AKAP13: variants seen among roughly 807,000 people sequenced by gnomAD.
AKAP13 encodes the protein A-kinase anchor protein 13.
A neutral mutation model predicts 264.5 loss-of-function variants in AKAP13; 80 were observed. The observed-to-expected ratio is 0.30, with a 90% CI of 0.25 to 0.36. The LOEUF (loss-of-function observed/expected upper bound fraction) is 0.36, where lower values mean the gene tolerates loss of function less well. Among genes scored for constraint, AKAP13 ranks in the 10% least tolerant of loss-of-function variants. The pLI is 1.00. For missense variants in AKAP13, 3,712 were observed against 3,435.2 expected (o/e 1.08, Z -2.01); for synonymous variants, 1,380 against 1,250.2 (o/e 1.10, Z -2.19).
At chr15:85,721,109 G>T (rs2087254039) in intron 23 of AKAP13, among the ~76,000 whole-genome samples, 1 of 152,042 alleles carries the variant, frequency 6.6e-6, no homozygotes, top group South Asian at 2.1e-4. Flanking sequence ...ACTTTGACTT[G>T]TATTACCATT....
At chr15:85,665,286 A>G (rs1289865287) in intron 13 of AKAP13, among the ~76,000 whole-genome samples, 3 of 152,216 alleles carry the variant, frequency 2.0e-5, no homozygotes, top group East Asian at 3.8e-4. Flanking sequence ...TAAAATTAGG[A>G]AAGTATCCAG....
intron 29 of AKAP13, among the ~76,000 whole-genome samples, chr15:85,729,149 A>G (rs1201520255): frequency 6.6e-6 from 1 of 151,942 alleles, no homozygotes; most frequent in East Asian, 1.9e-4. Flanking sequence ...AAATACAAAA[A>G]TTAGCTGGGC....
At chr15:85,468,726 C>G (rs1454319486) in intron 1 of AKAP13, among the ~76,000 whole-genome samples, 1 of 151,986 alleles carries the variant, frequency 6.6e-6, no homozygotes, top group Non-Finnish European at 1.5e-5. Flanking sequence ...TTAGTCTTTA[C>G]TAATTTTTTT....
At position 85,482,062 on chromosome 15, in the gene AKAP13, T is replaced by G. The variant is rs566640177; in HGVS notation, c.-11-3648T>G. Among the ~76,000 whole-genome samples, 20 of 152,342 alleles carry G rather than the reference T, an allele frequency of 1.3e-4. 1 individual carries two copies. In the South Asian group the frequency reaches 3.9e-3, roughly 30 times the overall value. On this transcript the variant is annotated intron_variant, in intron 1 of 36. Transcript: ENST00000394518. ...AAACTGCCTTCCTGTAATATGCTCC[T>G]CCCTTTAGAACTCAGTTCTTAAGTA...
intron 17 of AKAP13, among the ~76,000 whole-genome samples, chr15:85,698,021 A>G (rs911982318): frequency 3.9e-5 from 6 of 152,172 alleles, no homozygotes; most frequent in African/African-American, 1.4e-4. Context: ...AGGCACCCAC[A>G]GTGGCTTAAA....
chr15:85,641,445 C>CAAATAAATAAATAAAT (rs199664618), intron 9 of AKAP13, among the ~76,000 whole-genome samples: 4 of 97,380 alleles, frequency 4.1e-5, no homozygotes, highest in African/African-American at 1.2e-4. Flanking sequence ...GACTCCATCT[C>CAAATAAATAAATAAAT]AAATAAATAA....
intron 2 of AKAP13, among the ~76,000 whole-genome samples, chr15:85,512,493 C>T (rs899386091): frequency 2.5e-4 from 38 of 152,146 alleles, no homozygotes; most frequent in African/African-American, 8.2e-4. Context: ...TCTCTTTACA[C>T]GTATCTCTTT....
intron 1 of AKAP13, among the ~76,000 whole-genome samples, chr15:85,396,456 A>T (rs1264380140): frequency 1.3e-5 from 2 of 152,186 alleles, no homozygotes; most frequent in South Asian, 2.1e-4. Flanking sequence ...CATTACCCAG[A>T]TTCTAGCAAG....
At chr15:85,481,447 T>G (rs1247709907) in intron 1 of AKAP13, among the ~76,000 whole-genome samples, 1 of 152,222 alleles carries the variant, frequency 6.6e-6, no homozygotes, top group East Asian at 1.9e-4. Flanking sequence ...TGTTAATTTA[T>G]AAATTGAGAT....
rs1357306045 is a variant in AKAP13, at chr15:85,515,262, C to T, written c.34-6166C>T. Among the ~76,000 whole-genome samples, 4 of 138,742 alleles carry T rather than the reference C, an allele frequency of 2.9e-5. 1 individual carries two copies. The highest frequency in any genetic ancestry group is 1.2e-4 in the African/African-American group (4 of 34,588). The allele number at this position is 138,742 out of a possible 152,430, so 91.0% of individuals were successfully genotyped here. ...AGCTGTAAGGATAGAACAGATATTACATCTTATAAACTTTATGCCCCTATT... is the reference window on the plus strand; with the variant it reads ...AGCTGTAAGGATAGAACAGATATTATATCTTATAAACTTTATGCCCCTATT... On this transcript the variant is annotated intron_variant, in intron 2 of 36. Coordinates refer to ENST00000394518, the MANE Select transcript of AKAP13 (RefSeq NM_007200.5).
chr15:85,459,999 A>T (rs76195813), intron 1 of AKAP13, among the ~76,000 whole-genome samples: 18 of 152,314 alleles, frequency 1.2e-4, no homozygotes, highest in African/African-American at 4.1e-4. Flanking sequence ...TTTTATCAGG[A>T]CAGCTGCAGT....
chr15:85,606,526 G>A (rs911723386), intron 8 of AKAP13, among the ~76,000 whole-genome samples: 2 of 152,190 alleles, frequency 1.3e-5, no homozygotes, highest in African/African-American at 4.8e-5. Context: ...GAGATGTCTT[G>A]TTCCACGAGA....
chr15:85,659,837 C>G (rs2083259800), intron 12 of AKAP13, among the ~76,000 whole-genome samples: 2 of 152,040 alleles, frequency 1.3e-5, no homozygotes, highest in Admixed American at 1.3e-4. Flanking sequence ...AACATTACAA[C>G]AGGTATTATA....
At chr15:85,418,918 T>G (rs975766992) in intron 1 of AKAP13, among the ~76,000 whole-genome samples, 2 of 152,316 alleles carry the variant, frequency 1.3e-5, no homozygotes, top group African/African-American at 4.8e-5. Flanking sequence ...GTATAGATAA[T>G]TAAATTCAGC....
At chr15:85,561,207 G>A (rs1414029558) in intron 5 of AKAP13, among the ~76,000 whole-genome samples, 6 of 152,058 alleles carry the variant, frequency 3.9e-5, no homozygotes, top group East Asian at 1.9e-4. Flanking sequence ...ACAGGCGCCC[G>A]CCACCACACC....
chr15:85,396,491 A>G (rs2071118810), intron 1 of AKAP13, among the ~76,000 whole-genome samples: 1 of 152,196 alleles, frequency 6.6e-6, no homozygotes, highest in Admixed American at 6.5e-5. Flanking sequence ...TACATGCATT[A>G]TTTTAAAAAA....
At chr15:85,446,788 G>C (rs2073916202) in intron 1 of AKAP13, among the ~76,000 whole-genome samples, 1 of 149,946 alleles carries the variant, frequency 6.7e-6, no homozygotes, top group African/African-American at 2.5e-5. Flanking sequence ...TCTAGTCCAG[G>C]CTCTGATGAA....
chr15:85,730,013 A>G (rs1433276836), intron 29 of AKAP13, among the ~76,000 whole-genome samples: 1 of 152,200 alleles, frequency 6.6e-6, no homozygotes, highest in Non-Finnish European at 1.5e-5. Context: ...AGGAGCCCAG[A>G]TAAGAGATTC....
intron 2 of AKAP13, among the ~76,000 whole-genome samples, chr15:85,519,848 C>T (rs2076749562): frequency 6.6e-6 from 1 of 151,996 alleles, no homozygotes; most frequent in South Asian, 2.1e-4. Context: ...AGTTATGCTG[C>T]TGGGCTTAGT....
Sources: allele counts gnomAD v4.1 joint callset (sites outside exome capture counted in the v4.1 genomes callset), GRCh38; gene constraint gnomAD v4.1.1; transcripts MANE v1.5; gene names NCBI Gene and HGNC (gene_info 2026-07-23, HGNC 2026-07-21).